PEX5L: variants seen among roughly 807,000 people sequenced by gnomAD.
PEX5L encodes peroxisomal biogenesis factor 5 like.
PEX5L carries 30 observed loss-of-function variants against 84.0 expected under a neutral mutation model. The observed-to-expected ratio is 0.36, with a 90% CI of 0.27 to 0.48. The LOEUF (loss-of-function observed/expected upper bound fraction) is 0.48. Among genes scored for constraint, PEX5L ranks in the 20% least tolerant of loss-of-function variants. PEX5L has a pLI of 0.99. For missense variants in PEX5L, 533 were observed against 754.6 expected, an observed-to-expected ratio of 0.71 and a Z score of 3.44; for synonymous variants, 270 against 283.1, an observed-to-expected ratio of 0.95 and a Z score of 0.46.
intron 1 of PEX5L, among the ~76,000 whole-genome samples, chr3:180,001,634 C>A (rs1260194284): frequency 6.6e-6 from 1 of 151,852 alleles, no homozygotes; most frequent in African/African-American, 2.4e-5. Context: ...CAAGTAATAA[C>A]CTGTGAATTT....
At chr3:179,876,427 G>C in intron 5 of PEX5L, among the ~76,000 whole-genome samples, 1 of 151,888 alleles carries the variant, frequency 6.6e-6, no homozygotes, top group Non-Finnish European at 1.5e-5. Flanking sequence ...ATCCTGGGAG[G>C]TGGAGGTTGC....
At chr3:179,824,353 C>A (rs1000158269) in intron 8 of PEX5L, among the ~76,000 whole-genome samples, 10 of 151,946 alleles carry the variant, frequency 6.6e-5, no homozygotes, top group Non-Finnish European at 1.2e-4. Context: ...GTCACTGGAT[C>A]AAAACTTGAG....
chr3:179,890,401 C>G (rs1025782909), intron 3 of PEX5L, among the ~76,000 whole-genome samples: 2 of 152,152 alleles, frequency 1.3e-5, no homozygotes, highest in Admixed American at 6.6e-5. Flanking sequence ...TACCCATTGG[C>G]TAAATTGTAT....
chr3:179,971,477 G>A lies in PEX5L; in HGVS notation c.93+117C>T, dbSNP rs114098152. 2,154 of 1,293,578 alleles carry A rather than the reference G, an allele frequency of 1.7e-3. 36 individuals carry two copies. The African/African-American group carries it at 0.03, about 18-fold the overall frequency. 80.1% of individuals were successfully genotyped at this position (1,293,578 alleles called of 1,614,324 possible). A position where few individuals can be genotyped will look rare whatever the true frequency, so the allele number is the denominator to read the frequency against. The stretch of plus-strand genomic sequence containing the variant: ...TTAGCTGCTCTCAAAATCTTGTTAT[G>A]CAGGCTTTAGTCAGACAGGCTAATA... On this transcript the variant is annotated intron_variant, in intron 2 of 14. Coordinates refer to ENST00000467460, the MANE Select transcript of PEX5L (RefSeq NM_016559.3).
rs1467137354 is a variant in PEX5L, at chr3:179,797,601, A to ATATATAT, written c.*4226_*4227insATATATA. 1.0e-4 allele frequency: 11 copies of ATATATAT among 107,092 alleles called. No individual in the cohort carries two copies. The highest frequency in any genetic ancestry group is 3.9e-4 in the African/African-American group (10 of 25,518). 6.6% of individuals were successfully genotyped at this position (107,092 alleles called of 1,614,324 possible). On this transcript the variant is annotated 3_prime_UTR_variant, in exon 15 of 15. Transcript: ENST00000467460. ...TATGAACACTCTTTAAAAAAAAAAAAAAAAATATATATATATATATATATA... is the reference window on the plus strand; with the variant it reads ...TATGAACACTCTTTAAAAAAAAAAAATATATATAAAAATATATATATATATATATATA...
rs200365342 is a variant in PEX5L, at chr3:179,808,419, C to T, written c.1371G>A (p.Val457=). ...GGGCAGCTTCCAGATATAATTCCTT[C>T]ACCCCTTCCAGAACAGAGCTACAAG... is the stretch of plus-strand genomic sequence containing the variant. ...SPVDSSVLEG[V]KELYLEAAHQ... is the part of the protein sequence containing the mutation. Residue 457 remains valine, a synonymous_variant, in exon 13 of 15, where the codon GTG becomes GTA. Coordinates refer to ENST00000467460, the MANE Select transcript of PEX5L (RefSeq NM_016559.3). The T allele has an allele frequency of 3.2e-5, 50 of 1,550,340 alleles. No individual in the cohort carries two copies. The highest frequency in any genetic ancestry group is 1.7e-6 in the Non-Finnish European group (2 of 1,151,320).
At chr3:179,960,146 A>G (rs1334674023) in intron 2 of PEX5L, among the ~76,000 whole-genome samples, 3 of 152,080 alleles carry the variant, frequency 2.0e-5, no homozygotes, top group Admixed American at 6.6e-5. Context: ...TTCTCTTACC[A>G]TTTGGATTCT....
At chr3:179,920,291 T>C (rs993849755) in intron 2 of PEX5L, among the ~76,000 whole-genome samples, 1 of 152,230 alleles carries the variant, frequency 6.6e-6, no homozygotes, top group Non-Finnish European at 1.5e-5. Flanking sequence ...CTGCTCTTTT[T>C]AGAGGGAAAT....
Position 179,809,575 on chromosome 3 carries a change from A to G in PEX5L, c.1248T>C (p.Ala416=), listed in dbSNP as rs201162969. 1.2e-4 allele frequency: 197 copies of G among 1,613,772 alleles called. 1 individual carries two copies. Among genetic ancestry groups the G allele is most frequent in the Admixed American group, 2.3e-4 (14 of 59,990 alleles). The part of the protein sequence containing the change: ...NTGHQQDACD[A]LKNWIKQNPK... ...GATTTTGCTTAATCCAATTCTTCAGAGCGTCACAGGCATCCTGCTGATGGC... is the reference window on the plus strand; with the variant it reads ...GATTTTGCTTAATCCAATTCTTCAGGGCGTCACAGGCATCCTGCTGATGGC... Residue 416 remains alanine, a synonymous_variant, in exon 12 of 15, where the codon GCT becomes GCC. Coordinates refer to ENST00000467460, the MANE Select transcript of PEX5L (RefSeq NM_016559.3).
At chr3:179,811,983 T>C (rs1724071829) in intron 10 of PEX5L, 112 bp from the exon 11 acceptor site, 1 of 810,554 alleles carries the variant, frequency 1.2e-6, no homozygotes, top group Non-Finnish European at 2.2e-6. Context: ...CTGTCTCATA[T>C]GTGAGCGCTA....
intron 1 of PEX5L, among the ~76,000 whole-genome samples, chr3:180,002,597 T>C (rs1482039627): frequency 6.6e-6 from 1 of 152,162 alleles, no homozygotes; most frequent in African/African-American, 2.4e-5. Flanking sequence ...GAACTTTTTG[T>C]ATAGTATATC....
intron 7 of PEX5L, among the ~76,000 whole-genome samples, chr3:179,860,707 G>T (rs952052777): frequency 6.6e-6 from 1 of 152,178 alleles, no homozygotes; most frequent in Non-Finnish European, 1.5e-5. Flanking sequence ...ACCAGACACC[G>T]CTCTAAGTAA....
chr3:179,830,227 T>TA (rs368371649), intron 8 of PEX5L, among the ~76,000 whole-genome samples: 128 of 152,174 alleles, frequency 8.4e-4, no homozygotes, highest in African/African-American at 2.5e-3. Flanking sequence ...AAGTCCAATT[T>TA]AAAAAATCAC....
chr3:179,850,720 C>A (rs539431642), intron 8 of PEX5L, among the ~76,000 whole-genome samples: 1 of 152,220 alleles, frequency 6.6e-6, no homozygotes, highest in Admixed American at 6.5e-5. Flanking sequence ...TTTAATATTG[C>A]CCAAAGAATG....
intron 2 of PEX5L, among the ~76,000 whole-genome samples, chr3:179,903,907 C>A (rs1313814189): frequency 6.6e-6 from 1 of 152,166 alleles, no homozygotes; most frequent in East Asian, 1.9e-4. Flanking sequence ...ACTGGTCAAT[C>A]CTTGTTTCTA....
intron 1 of PEX5L, among the ~76,000 whole-genome samples, chr3:180,022,052 A>G (rs1175894797): frequency 6.6e-6 from 1 of 152,220 alleles, no homozygotes; most frequent in Non-Finnish European, 1.5e-5. Flanking sequence ...ATATAATCAC[A>G]TGAATGTGCT....
At chr3:179,867,029 AAAAAAAAAAAAAG>A (rs1285396509) in intron 7 of PEX5L, among the ~76,000 whole-genome samples, 33 of 149,180 alleles carry the variant, frequency 2.2e-4, no homozygotes, top group African/African-American at 2.7e-4. Flanking sequence ...CTGTCTCAAA[AAAAAAAAAAAAAG>A]AAAAAAAAAA....
At chr3:179,816,514 A>G (rs1726148919) in intron 9 of PEX5L, among the ~76,000 whole-genome samples, 1 of 151,860 alleles carries the variant, frequency 6.6e-6, no homozygotes, top group African/African-American at 2.4e-5. Context: ...GCATGTTCTC[A>G]CTCATAAGTG....
chr3:179,852,033 G>A (rs1020604436), intron 8 of PEX5L, among the ~76,000 whole-genome samples: 4 of 152,180 alleles, frequency 2.6e-5, no homozygotes, highest in African/African-American at 9.7e-5. Context: ...ACTGTGAGGA[G>A]TAGTTATCGA....
Sources: allele counts gnomAD v4.1 joint callset (sites outside exome capture counted in the v4.1 genomes callset), GRCh38; gene constraint gnomAD v4.1.1; transcripts MANE v1.5; gene names NCBI Gene and HGNC (gene_info 2026-07-23, HGNC 2026-07-21).